The following POC1B variants were observed in gnomAD, a reference collection of about 807,000 sequenced individuals.
The protein encoded by POC1B is POC1 centriolar protein homolog B.
A neutral mutation model predicts 60.6 loss-of-function variants in POC1B; 44 were observed. The observed-to-expected ratio is 0.73, with a 90% confidence interval of 0.57 to 0.93. The LOEUF (loss-of-function observed/expected upper bound fraction) is 0.93. POC1B is among the 40% of genes least tolerant of loss of function. POC1B has a pLI of 0.00. For synonymous variants in POC1B, 180 were observed against 198.9 expected (o/e 0.90, Z 0.80); for missense variants, 555 against 572.3 (o/e 0.97, Z 0.31).
chr12:89,470,565 A>AT lies in POC1B; in HGVS notation c.677-72dup, dbSNP rs577860569. ...ACTTTTGAAGATACCCCAGTGCCTT[A>AT]TTAGCAATAGGTTGTAAACAAGAGC... On this transcript the variant is annotated intron_variant, in intron 6 of 11. Transcript: ENST00000313546. The AT allele has an allele frequency of 2.0e-4, 255 of 1,286,730 alleles. 2 individuals carry two copies. The South Asian group carries it at 4.4e-3, about 22-fold the overall frequency. The allele number at this position is 1,286,730 out of a possible 1,614,324, so 79.7% of individuals were successfully genotyped here. A position where few individuals can be genotyped will look rare whatever the true frequency, so the allele number is the denominator to read the frequency against.
chr12:89,522,703 G>A (rs887232577), intron 2 of POC1B: 103 of 1,391,898 alleles, frequency 7.4e-5, no homozygotes, highest in Middle Eastern at 4.6e-4. Flanking sequence ...CTCCACAGAT[G>A]ACTGCTAGGT....
chr12:89,420,307 A>C lies in POC1B; in HGVS notation c.*846T>G, dbSNP rs571575546. On this transcript the variant is annotated 3_prime_UTR_variant, in exon 12 of 12. Transcript: ENST00000313546. Reference sequence around the variant, plus strand: ...TTTAGCTGCCCAAATCACCCTAAGCAACAATATTTCTGAAGCATGTGTACA... The same window carrying C: ...TTTAGCTGCCCAAATCACCCTAAGCCACAATATTTCTGAAGCATGTGTACA... 66 of 152,336 alleles carry C rather than the reference A, an allele frequency of 4.3e-4. No homozygotes were observed. The highest frequency in any genetic ancestry group is 1.5e-3 in the African/African-American group (63 of 41,578). The allele number at this position is 152,336 out of a possible 1,614,324, so 9.4% of individuals were successfully genotyped here. A position where few individuals can be genotyped will look rare whatever the true frequency, so the allele number is the denominator to read the frequency against.
chr12:89,449,739 T>C (rs1364633632), intron 10 of POC1B, among the ~76,000 whole-genome samples: 3 of 152,174 alleles, frequency 2.0e-5, no homozygotes, highest in Admixed American at 2.0e-4. Context: ...CATTATATAA[T>C]ATTTTAAAGA....
chr12:89,424,358 TAC>T (rs1170898352), intron 11 of POC1B, among the ~76,000 whole-genome samples: 1 of 152,224 alleles, frequency 6.6e-6, no homozygotes, highest in African/African-American at 2.4e-5. Context: ...GATTATAATG[TAC>T]AGTCAGGGTT....
chr12:89,472,047 C>T (rs748641712), intron 5 of POC1B, 121 bp downstream of exon 5: 2 of 719,562 alleles, frequency 2.8e-6, no homozygotes, highest in Non-Finnish European at 2.3e-6. Context: ...GCATTACAGG[C>T]GTGAGCCACT....
intron 10 of POC1B, among the ~76,000 whole-genome samples, chr12:89,456,918 A>G (rs189652186): frequency 1.3e-5 from 2 of 152,320 alleles, no homozygotes; most frequent in East Asian, 1.9e-4. Flanking sequence ...TTACACCATA[A>G]CAAACTTCTT....
chr12:89,419,394 T>C (rs1277097065), downstream of POC1B, among the ~76,000 whole-genome samples: 1 of 152,242 alleles, frequency 6.6e-6, no homozygotes, highest in East Asian at 1.9e-4. Context: ...TCTGCATTTA[T>C]ATCATCACTA....
chr12:89,525,621 G>T, intron 1 of POC1B: 1 of 1,283,244 alleles, frequency 7.8e-7, no homozygotes, highest in Non-Finnish European at 9.8e-7. Flanking sequence ...CGAGAATTCT[G>T]GGGGCCGTGG....
intron 4 of POC1B, among the ~76,000 whole-genome samples, chr12:89,491,171 G>T (rs1868946455): frequency 1.3e-5 from 2 of 152,046 alleles, no homozygotes; most frequent in Non-Finnish European, 2.9e-5. Flanking sequence ...ACCAGGCTCT[G>T]CCTCAGGGCT....
chr12:89,437,625 T>C (rs1299840962), intron 10 of POC1B, among the ~76,000 whole-genome samples: 1 of 151,692 alleles, frequency 6.6e-6, no homozygotes, highest in Non-Finnish European at 1.5e-5. Context: ...ATAGTTTCTT[T>C]ATTTAAACAC....
At chr12:89,456,845 C>G (rs1024683507) in intron 10 of POC1B, among the ~76,000 whole-genome samples, 2 of 152,138 alleles carry the variant, frequency 1.3e-5, no homozygotes, top group Non-Finnish European at 2.9e-5. Flanking sequence ...ACACTTCGAT[C>G]TACAAATCTT....
intron 11 of POC1B, among the ~76,000 whole-genome samples, chr12:89,424,211 G>A (rs537605001): frequency 3.2e-4 from 49 of 151,986 alleles, no homozygotes; most frequent in African/African-American, 1.2e-3. Flanking sequence ...TAAATTAGTG[G>A]TTTTCAACAC....
chr12:89,473,358 T>A (rs1882977722), intron 4 of POC1B, among the ~76,000 whole-genome samples: 1 of 152,174 alleles, frequency 6.6e-6, no homozygotes, highest in Non-Finnish European at 1.5e-5. Context: ...ACAAAGAAGT[T>A]CCATGTGAAA....
Position 89,434,668 on chromosome 12 carries a change from C to T in POC1B, c.1114-9289G>A, listed in dbSNP as rs190669663. ...CTTTCTGCATAAAATTTCCTGCAAA[C>T]TCAAAAGGGAAAACAAGTAGCCATT... On this transcript the variant is annotated intron_variant, in intron 10 of 11. Transcript: ENST00000313546. Among the ~76,000 whole-genome samples, 3 of 152,294 alleles carry T rather than the reference C, an allele frequency of 2.0e-5. No individual in the cohort carries two copies. The East Asian group carries it at 5.8e-4, about 29-fold the overall frequency.
At chr12:89,432,312 G>A (rs1194294240) in intron 10 of POC1B, among the ~76,000 whole-genome samples, 2 of 146,640 alleles carry the variant, frequency 1.4e-5, no homozygotes, top group Non-Finnish European at 3.0e-5. Context: ...CTTGAACCTG[G>A]GAGGTGGAGG....
downstream of POC1B, among the ~76,000 whole-genome samples, chr12:89,419,383 A>T (rs575523085): frequency 6.6e-6 from 1 of 152,338 alleles, no homozygotes; most frequent in African/African-American, 2.4e-5. Flanking sequence ...GTTTCAAGGC[A>T]TCTGCATTTA....
chr12:89,403,117 C>T, the POC1B span, among the ~76,000 whole-genome samples: 20 of 152,008 alleles, frequency 1.3e-4, no homozygotes, highest in African/African-American at 4.8e-4. Flanking sequence ...AAGCAATCCT[C>T]CTGCCTCAGC....
At chr12:89,513,534 T>C (rs1870288996) in intron 2 of POC1B, among the ~76,000 whole-genome samples, 1 of 152,236 alleles carries the variant, frequency 6.6e-6, no homozygotes, top group Admixed American at 6.5e-5. Flanking sequence ...CTGCAAACCC[T>C]GTGAAAATAC....
chr12:89,490,242 A>G (rs1868883483), intron 4 of POC1B, among the ~76,000 whole-genome samples: 1 of 152,214 alleles, frequency 6.6e-6, no homozygotes, highest in Admixed American at 6.5e-5. Flanking sequence ...CAACTAGGTG[A>G]GTCTAACTTC....
Sources: allele counts gnomAD v4.1 joint callset (sites outside exome capture counted in the v4.1 genomes callset), GRCh38; gene constraint gnomAD v4.1.1; transcripts MANE v1.5; gene names NCBI Gene and HGNC (gene_info 2026-07-23, HGNC 2026-07-21).